The following DYNC2H1 variants were observed in gnomAD, a reference collection of about 807,000 sequenced individuals.
The protein encoded by DYNC2H1 is dynein cytoplasmic 2 heavy chain 1.
Under a neutral mutation model 570.0 loss-of-function variants are expected in DYNC2H1, and 410 were observed. That is an observed-to-expected ratio of 0.72 (90% CI 0.66 to 0.78). The LOEUF (loss-of-function observed/expected upper bound fraction) is 0.78. Among genes scored for constraint, DYNC2H1 ranks in the 30% least tolerant of loss-of-function variants. The probability of loss-of-function intolerance (pLI) is 0.00; values close to 1 mark genes in which losing one functional copy is unlikely to be tolerated. For synonymous variants in DYNC2H1, 1,688 were observed against 1,677.6 expected, an observed-to-expected ratio of 1.01 and a Z score of -0.15; for missense variants, 4,865 against 5,046.4, an observed-to-expected ratio of 0.96 and a Z score of 1.09.
chr11:103,279,156 C>G (rs1428747308), intron 70 of DYNC2H1, among the ~76,000 whole-genome samples: 1 of 152,166 alleles, frequency 6.6e-6, no homozygotes, highest in Non-Finnish European at 1.5e-5. Context: ...TATATCTTAT[C>G]CATTTCCATA....
At chr11:103,394,886 G>A (rs771566674) in intron 83 of DYNC2H1, among the ~76,000 whole-genome samples, 3 of 151,992 alleles carry the variant, frequency 2.0e-5, no homozygotes, top group Non-Finnish European at 2.9e-5. Context: ...AAGGCAGCCA[G>A]CTATCCTGTG....
rs144222939 is a variant in DYNC2H1, at chr11:103,234,898, T to C, written c.9567+738T>C. 3.7e-3 allele frequency among the ~76,000 whole-genome samples: 561 copies of C among 152,090 alleles called. 2 individuals carry two copies. The highest frequency in any genetic ancestry group is 0.013 in the African/African-American group (536 of 41,558). On this transcript the variant is annotated intron_variant, in intron 61 of 88. Transcript: ENST00000375735. Reference sequence around the variant, plus strand: ...TCTGTTTCACTGGAGGCATCTTTCTTTGGGCATCAATACTAAAAACATGTG... The same window carrying C: ...TCTGTTTCACTGGAGGCATCTTTCTCTGGGCATCAATACTAAAAACATGTG...
At position 103,204,488 on chromosome 11, in the gene DYNC2H1, A is replaced by G. The variant is rs1383400155; in HGVS notation, c.8312-334A>G. Among the ~76,000 whole-genome samples the G allele has an allele frequency of 6.6e-6, 1 of 152,166 alleles. No individual in the cohort carries two copies. Among genetic ancestry groups the G allele is most frequent in the African/African-American group, 2.4e-5 (1 of 41,446 alleles). On this transcript the variant is annotated intron_variant, in intron 51 of 88. Coordinates refer to ENST00000375735, the MANE Select transcript of DYNC2H1 (RefSeq NM_001377.3). The surrounding 1 kb of genome is among the most constrained non-coding windows in gnomAD (Gnocchi z 4.1). ...TGTGCCAGACTTCATAGTTTTAAAAAACTAGCCTTTTATTCTTATAGAAAC... is the reference window on the plus strand; with the variant it reads ...TGTGCCAGACTTCATAGTTTTAAAAGACTAGCCTTTTATTCTTATAGAAAC...
chr11:103,420,687 G>A lies in DYNC2H1; in HGVS notation c.12367-15256G>A, dbSNP rs566262903. 2.0e-5 allele frequency among the ~76,000 whole-genome samples: 3 copies of A among 152,232 alleles called. No individual in the cohort carries two copies. In the East Asian group the frequency reaches 5.8e-4, roughly 29 times the overall value. On this transcript the variant is annotated intron_variant, in intron 84 of 88. Transcript: ENST00000375735. ...CAGACAAGTAAATGCTGAGGGAATT[G>A]GTCATCACCAGGCCTGCCTTACAAA...
In DYNC2H1 at chr11:103,181,335, T is replaced by G. The variant is rs1267019520; in HGVS notation, c.6348-422T>G. 1.3e-5 allele frequency among the ~76,000 whole-genome samples: 2 copies of G among 151,700 alleles called. No homozygotes were observed. Among genetic ancestry groups the G allele is most frequent in the Middle Eastern group, 3.4e-3 (1 of 294 alleles). ...TCTTATTAAAATGAAGATTTTTGCT[T>G]TAGTATGTCTGGAGAGGGATTTGGG... On this transcript the variant is annotated intron_variant, in intron 39 of 88. Coordinates refer to ENST00000375735, the MANE Select transcript of DYNC2H1 (RefSeq NM_001377.3). This position sits in a 1 kb window ranked among gnomAD's most constrained non-coding sequence, Gnocchi z 5.0.
rs1591322832 is a variant in DYNC2H1, at chr11:103,151,981, A to T, written c.2947-155A>T. On this transcript the variant is annotated intron_variant, in intron 20 of 88. Coordinates refer to ENST00000375735, the MANE Select transcript of DYNC2H1 (RefSeq NM_001377.3). The surrounding 1 kb of genome is among the most constrained non-coding windows in gnomAD (Gnocchi z 4.6). ...TTATATCCAGGAATTTTTTTCTGCC[A>T]AATCAGAATATATAGGAATTTAACA... 1.3e-5 allele frequency among the ~76,000 whole-genome samples: 2 copies of T among 152,216 alleles called. No individual in the cohort carries two copies. The highest frequency in any genetic ancestry group is 3.9e-4 in the East Asian group (2 of 5,188).
In DYNC2H1 at chr11:103,367,795, G is replaced by A. The variant is rs7117124; in HGVS notation, c.12156+9436G>A. On this transcript the variant is annotated intron_variant, in intron 83 of 88. Transcript: ENST00000375735. ...ATCCCCTCCACAGTTTCTAGTAACC[G>A]CTGTTCTACTCTCTGCTCCTATGTT... Among the ~76,000 whole-genome samples the A allele has an allele frequency of 5.3e-5, 8 of 151,960 alleles. 1 individual carries two copies. Among genetic ancestry groups the A allele is most frequent in the Middle Eastern group, 6.8e-3 (2 of 294 alleles).
At chr11:103,410,832 G>A (rs983968998) in intron 84 of DYNC2H1, among the ~76,000 whole-genome samples, 2 of 151,974 alleles carry the variant, frequency 1.3e-5, no homozygotes, top group African/African-American at 4.8e-5. Flanking sequence ...CACAGTGGCT[G>A]GCACGAAATT....
In DYNC2H1 at chr11:103,249,184, T is replaced by A. The variant is rs897203553; in HGVS notation, c.10042+3810T>A. On this transcript the variant is annotated intron_variant, in intron 65 of 88. Transcript: ENST00000375735. This position sits in a 1 kb window ranked among gnomAD's most constrained non-coding sequence, Gnocchi z 4.6. ...CTATGAATAAGAGATGAGACAACAC[T>A]GAAGAGTCTTTTTTAGACAATAAAA... Among the ~76,000 whole-genome samples the A allele has an allele frequency of 6.6e-6, 1 of 152,004 alleles. No homozygotes were observed. The highest frequency in any genetic ancestry group is 1.5e-5 in the Non-Finnish European group (1 of 67,952).
chr11:103,448,871 A>T (rs1386078675), intron 85 of DYNC2H1, among the ~76,000 whole-genome samples: 4 of 152,186 alleles, frequency 2.6e-5, no homozygotes, highest in Admixed American at 1.3e-4. Context: ...ATGTTAGCCA[A>T]ATTCCAGGTA....
intron 32 of DYNC2H1, among the ~76,000 whole-genome samples, chr11:103,169,875 A>C (rs1274493747): frequency 1.3e-5 from 2 of 152,198 alleles, no homozygotes; most frequent in African/African-American, 4.8e-5. Context: ...CAATTTTGAA[A>C]CCTAACAATG....
intron 12 of DYNC2H1, among the ~76,000 whole-genome samples, chr11:103,125,788 C>G (rs975757905): frequency 2.0e-5 from 3 of 152,216 alleles, no homozygotes; most frequent in Admixed American, 2.0e-4. Context: ...CATGACCCAA[C>G]TAAACTGACT....
rs751064079 is a variant in DYNC2H1, at chr11:103,200,064, A to G, written c.8107A>G (p.Ile2703Val). ...DLKHVLQLAG[I>V]EAQQVVLLLE... ...TTTGCAGGTGCTGCAACTTGCAGGA[A>G]TTGAAGCACAACAGGTAGTTTTACT... Residue 2703 changes from isoleucine (I) to valine (V), a missense_variant, in exon 50 of 89, where the codon ATT becomes GTT. This residue lies in a region of DYNC2H1 where 2,401 missense variants were observed against 2,454.6 expected (regional missense o/e 0.98). Coordinates refer to ENST00000375735, the MANE Select transcript of DYNC2H1 (RefSeq NM_001377.3). 27 of 1,585,764 alleles carry G rather than the reference A, an allele frequency of 1.7e-5. No homozygotes were observed. The highest frequency in any genetic ancestry group is 5.2e-5 in the Admixed American group (3 of 57,212).
intron 70 of DYNC2H1, among the ~76,000 whole-genome samples, chr11:103,270,110 T>C (rs1167301410): frequency 6.6e-6 from 1 of 151,640 alleles, no homozygotes; most frequent in African/African-American, 2.4e-5. Context: ...CGAGAATTGC[T>C]TGAACCCAGG....
At chr11:103,376,495 A>G (rs1941399988) in intron 83 of DYNC2H1, among the ~76,000 whole-genome samples, 3 of 151,758 alleles carry the variant, frequency 2.0e-5, no homozygotes, top group Admixed American at 2.0e-4. Flanking sequence ...CTTTGTTTTC[A>G]CCATAGGGCT....
At chr11:103,276,603 A>C (rs544684515) in intron 70 of DYNC2H1, among the ~76,000 whole-genome samples, 1 of 152,216 alleles carries the variant, frequency 6.6e-6, no homozygotes. Context: ...TATAATCTTA[A>C]AATTAAATCA....
At chr11:103,192,725 CCAGT>C (rs1456953854) in intron 47 of DYNC2H1, among the ~76,000 whole-genome samples, 1 of 152,166 alleles carries the variant, frequency 6.6e-6, no homozygotes, top group Non-Finnish European at 1.5e-5. Context: ...AAGCTTAACA[CCAGT>C]CAAAGCTGCT....
In DYNC2H1 at chr11:103,157,180, A is replaced by G. The variant is rs2134899259; in HGVS notation, c.4127+410A>G. Among the ~76,000 whole-genome samples the G allele has an allele frequency of 6.6e-6, 1 of 152,282 alleles. No individual in the cohort carries two copies. The highest frequency in any genetic ancestry group is 3.4e-3 in the Middle Eastern group (1 of 294). ...TTTCTGACTGTCTCTCTAGTTCAAC[A>G]CATAGTTCCTAGTCCTTAGCTGTCT... is the stretch of plus-strand genomic sequence containing the variant. On this transcript the variant is annotated intron_variant, in intron 26 of 88. Transcript: ENST00000375735. The surrounding 1 kb of genome is among the most constrained non-coding windows in gnomAD (Gnocchi z 4.2).
intron 66 of DYNC2H1, among the ~76,000 whole-genome samples, chr11:103,253,789 A>G (rs977663782): frequency 6.6e-6 from 1 of 152,162 alleles, no homozygotes; most frequent in Non-Finnish European, 1.5e-5. Context: ...AATTGTGAAA[A>G]GTGTAGCTAA....
Sources: allele counts gnomAD v4.1 joint callset (sites outside exome capture counted in the v4.1 genomes callset), GRCh38; gene constraint gnomAD v4.1.1; regional missense constraint gnomAD v4.1.1; non-coding constraint Gnocchi (gnomAD v3.1); transcripts MANE v1.5; gene names NCBI Gene and HGNC (gene_info 2026-07-23, HGNC 2026-07-21).